SH3BGRL2: variants seen among roughly 807,000 people sequenced by gnomAD.
SH3BGRL2 encodes SH3 domain-binding glutamic acid-rich-like protein 2.
In SH3BGRL2, 21 loss-of-function variants were observed where a neutral mutation model predicts 14.8. That is an observed-to-expected ratio of 1.42 (90% CI 1.01 to 2.05). The LOEUF is 2.05. Among genes scored for constraint, SH3BGRL2 ranks in the 30% most tolerant of loss-of-function variants. SH3BGRL2 has a pLI of 0.00. For missense variants in SH3BGRL2, 147 were observed against 130.8 expected (o/e 1.12, Z -0.61); for synonymous variants, 50 against 47.8 (o/e 1.05, Z -0.19).
At chr6:79,587,569 A>G in the SH3BGRL2 span, among the ~76,000 whole-genome samples, 1 of 152,228 alleles carries the variant, frequency 6.6e-6, no homozygotes. Context: ...ATTTTGGAGG[A>G]AGGAAATTCT....
At chr6:79,669,659 G>T (rs1056215612) in intron 1 of SH3BGRL2, among the ~76,000 whole-genome samples, 2 of 151,854 alleles carry the variant, frequency 1.3e-5, no homozygotes, top group Admixed American at 6.6e-5. Flanking sequence ...TGATCAGGCT[G>T]GTCTCAAACT....
chr6:79,636,417 GA>G (rs1227613663), intron 1 of SH3BGRL2, among the ~76,000 whole-genome samples: 21 of 152,192 alleles, frequency 1.4e-4, no homozygotes, highest in African/African-American at 5.1e-4. Context: ...GACATTGGCA[GA>G]GGAGGTTGTG....
At chr6:79,682,668 C>T (rs1390240347) in intron 2 of SH3BGRL2, among the ~76,000 whole-genome samples, 1 of 152,200 alleles carries the variant, frequency 6.6e-6, no homozygotes, top group African/African-American at 2.4e-5. Flanking sequence ...CCCGGAACAT[C>T]CACTTGATTT....
At chr6:79,664,595 C>T (rs1406774419) in intron 1 of SH3BGRL2, among the ~76,000 whole-genome samples, 1 of 152,174 alleles carries the variant, frequency 6.6e-6, no homozygotes. Context: ...TCCAGCAAAG[C>T]CACATGTTCA....
At chr6:79,544,000 A>G in the SH3BGRL2 span, among the ~76,000 whole-genome samples, 1 of 152,184 alleles carries the variant, frequency 6.6e-6, no homozygotes, top group Non-Finnish European at 1.5e-5. Context: ...ACAACTCAGC[A>G]TCTCTCAAAT....
chr6:79,618,051 T>A, the SH3BGRL2 span, among the ~76,000 whole-genome samples: 1 of 152,258 alleles, frequency 6.6e-6, no homozygotes, highest in South Asian at 2.1e-4. Flanking sequence ...TGCAACATGG[T>A]AATTTTCTAA....
the SH3BGRL2 span, chr6:79,552,790 T>A: frequency 6.6e-6 from 1 of 152,244 alleles, no homozygotes; most frequent in African/African-American, 2.4e-5. Context: ...AATCCAAGAT[T>A]CCTTTGGGAA....
intron 1 of SH3BGRL2, among the ~76,000 whole-genome samples, chr6:79,668,534 G>T (rs1360830247): frequency 6.6e-6 from 1 of 152,064 alleles, no homozygotes; most frequent in Non-Finnish European, 1.5e-5. Flanking sequence ...TATCCATTCA[G>T]TGGCCAACAA....
At chr6:79,549,573 G>T in the SH3BGRL2 span, among the ~76,000 whole-genome samples, 1 of 152,120 alleles carries the variant, frequency 6.6e-6, no homozygotes. Flanking sequence ...ATAGTAACAT[G>T]CTGTACAAGT....
chr6:79,546,118 G>A, the SH3BGRL2 span, among the ~76,000 whole-genome samples: 1 of 152,108 alleles, frequency 6.6e-6, no homozygotes, highest in Non-Finnish European at 1.5e-5. Context: ...CACGTGTCTT[G>A]GTCTAATCCC....
chr6:79,581,891 G>C, the SH3BGRL2 span, among the ~76,000 whole-genome samples: 12 of 152,218 alleles, frequency 7.9e-5, no homozygotes, highest in Admixed American at 7.8e-4. Flanking sequence ...AAACCCCATC[G>C]TCTCAGTCCA....
chr6:79,682,229 G>A (rs1770002157), intron 2 of SH3BGRL2, among the ~76,000 whole-genome samples: 1 of 152,142 alleles, frequency 6.6e-6, no homozygotes, highest in African/African-American at 2.4e-5. Flanking sequence ...GAAAAAGGGG[G>A]AACAGTCAGT....
chr6:79,562,095 T>A, the SH3BGRL2 span, among the ~76,000 whole-genome samples: 3 of 152,178 alleles, frequency 2.0e-5, no homozygotes, highest in Non-Finnish European at 2.9e-5. Context: ...ACAATATATT[T>A]TTTTATTAGA....
At chr6:79,539,102 C>G in the SH3BGRL2 span, among the ~76,000 whole-genome samples, 1 of 152,100 alleles carries the variant, frequency 6.6e-6, no homozygotes, top group Non-Finnish European at 1.5e-5. Flanking sequence ...AGGATTCTTA[C>G]AGTGTGCAAT....
the SH3BGRL2 span, among the ~76,000 whole-genome samples, chr6:79,571,122 G>C: frequency 6.6e-6 from 1 of 152,262 alleles, no homozygotes; most frequent in East Asian, 1.9e-4. Flanking sequence ...CCTTAAAAGA[G>C]CTTTGTTCTG....
chr6:79,641,150 TTGTGTGTG>T (rs373404859), intron 1 of SH3BGRL2, among the ~76,000 whole-genome samples: 2,440 of 141,368 alleles, frequency 0.017, 42 homozygotes, highest in South Asian at 0.061. Context: ...TCTCACCCTT[TTGTGTGTG>T]TGTGTGTGTG....
At chr6:79,543,441 T>A in the SH3BGRL2 span, among the ~76,000 whole-genome samples, 1 of 152,196 alleles carries the variant, frequency 6.6e-6, no homozygotes, top group African/African-American at 2.4e-5. Flanking sequence ...TGGTCCCAGG[T>A]AGCCAGCTTC....
At chr6:79,551,512 TATAAA>T in the SH3BGRL2 span, among the ~76,000 whole-genome samples, 1 of 152,160 alleles carries the variant, frequency 6.6e-6, no homozygotes, top group African/African-American at 2.4e-5. Flanking sequence ...GACTATTTCT[TATAAA>T]GAGTTACAGC....
intron 1 of SH3BGRL2, among the ~76,000 whole-genome samples, chr6:79,650,563 G>C (rs78524892): frequency 3.0e-4 from 45 of 152,264 alleles, no homozygotes; most frequent in Middle Eastern, 3.4e-3. Context: ...TTCATGCCAG[G>C]CATCACATGG....
Sources: allele counts gnomAD v4.1 joint callset (sites outside exome capture counted in the v4.1 genomes callset), GRCh38; gene constraint gnomAD v4.1.1; transcripts MANE v1.5; gene names NCBI Gene and HGNC (gene_info 2026-07-23, HGNC 2026-07-21).